PITPNM3: variants seen among roughly 807,000 people sequenced by gnomAD.
PITPNM3 encodes membrane-associated phosphatidylinositol transfer protein 3.
Under a neutral mutation model 102.0 loss-of-function variants are expected in PITPNM3, and 26 were observed. That is an observed-to-expected ratio of 0.25 (90% CI 0.19 to 0.35). The LOEUF is 0.35. PITPNM3 is among the 10% of genes least tolerant of loss of function. The probability of loss-of-function intolerance (pLI) is 1.00; values close to 1 mark genes in which losing one functional copy is unlikely to be tolerated. For synonymous variants in PITPNM3, 578 were observed against 558.6 expected (o/e 1.03, Z -0.49); for missense variants, 1,083 against 1,346.1 (o/e 0.80, Z 3.06).
intron 8 of PITPNM3, 60 bp from the exon 9 acceptor site, chr17:6,477,273 C>T (rs1905364179): frequency 6.4e-7 from 1 of 1,555,488 alleles, no homozygotes; most frequent in Non-Finnish European, 8.8e-7. Context: ...GACTCTGGGG[C>T]CTTGTCTCCT....
At chr17:6,529,252 T>C (rs889214586) in intron 2 of PITPNM3, among the ~76,000 whole-genome samples, 1 of 152,180 alleles carries the variant, frequency 6.6e-6, no homozygotes, top group African/African-American at 2.4e-5. Context: ...CCTTTCTTCC[T>C]ATCCTGGAGC....
At chr17:6,467,133 A>G (rs1904827546) in intron 14 of PITPNM3, among the ~76,000 whole-genome samples, 1 of 152,074 alleles carries the variant, frequency 6.6e-6, no homozygotes, top group Non-Finnish European at 1.5e-5. Context: ...CAGGTAGTGA[A>G]TGGATAAGCA....
intron 8 of PITPNM3, 36 bp from the exon 9 acceptor site, chr17:6,477,249 CTG>C: frequency 6.2e-7 from 1 of 1,604,552 alleles, no homozygotes; most frequent in Non-Finnish European, 8.5e-7. Flanking sequence ...GAGAAAAAGA[CTG>C]TTGTCACGGG....
At chr17:6,522,313 C>G (rs944832956) in intron 3 of PITPNM3, among the ~76,000 whole-genome samples, 6 of 145,776 alleles carry the variant, frequency 4.1e-5, no homozygotes, top group East Asian at 2.0e-4. Context: ...CACACACACA[C>G]AGAGCAGAAT....
intron 3 of PITPNM3, 65 bp downstream of exon 3, chr17:6,525,291 C>T: frequency 7.1e-7 from 1 of 1,416,640 alleles, no homozygotes; most frequent in South Asian, 1.1e-5. Flanking sequence ...CAGTCACCAG[C>T]CCTACAGCCC....
At chr17:6,463,960 CA>C in intron 16 of PITPNM3, 79 bp from the exon 17 acceptor site, 1 of 1,585,420 alleles carries the variant, frequency 6.3e-7, no homozygotes. Context: ...CCTGTAGCTG[CA>C]GTCAGAGCTC....
At chr17:6,480,428 G>C (rs550771496) in intron 6 of PITPNM3, 1 of 152,432 alleles carries the variant, frequency 6.6e-6, no homozygotes, top group South Asian at 2.1e-4. Context: ...TCCCCGCACT[G>C]AGCCCTCCTC....
rs148983036 is a variant in PITPNM3 at position 6,471,319 on chromosome 17, T to G, written c.1466A>C (p.Glu489Ala). The change falls in exon 12 of 20, where the codon GAG becomes GCG. Residue 489 changes from glutamate to alanine, a missense_variant. Glu to Ala is a moderately radical substitution (Grantham distance 107, BLOSUM62 -1). Transcript: ENST00000262483. The part of the protein sequence containing the change: ...ALHTHSPLFL[E>A]GSSRDSPPLL... ...TGGCGGGCTGTCCCGGGAGCTGCCCTCCAGGAAGAGGGGGCTGTGGGTGTG... is the reference window on the plus strand; with the variant it reads ...TGGCGGGCTGTCCCGGGAGCTGCCCGCCAGGAAGAGGGGGCTGTGGGTGTG... The G allele has an allele frequency of 1.2e-4, 191 of 1,608,086 alleles. No individual in the cohort carries two copies. The African/African-American group carries it at 2.3e-3, about 19-fold the overall frequency.
rs1286605893 is a variant in PITPNM3 at position 6,457,746 on chromosome 17, G to C, written c.2491-24C>G. On this transcript the variant is annotated intron_variant, in intron 18 of 19. Coordinates refer to ENST00000262483, the MANE Select transcript of PITPNM3 (RefSeq NM_031220.4). The surrounding 1 kb of genome is among the most constrained non-coding windows in gnomAD (Gnocchi z 4.7). ...CACTGAAACACAGGGCAGGCATAGG[G>C]GGAGAGTGAGGCCAGCCCACCCCCT... 2 of 1,564,574 alleles carry C rather than the reference G, an allele frequency of 1.3e-6. No individual in the cohort carries two copies. Among genetic ancestry groups the C allele is most frequent in the African/African-American group, 1.4e-5 (1 of 74,026 alleles).
rs1905498326 is a variant in PITPNM3, at chr17:6,478,984, G to A, written c.588-248C>T. The A allele has an allele frequency of 1.8e-6, 1 of 557,738 alleles. No homozygotes were observed. The highest frequency in any genetic ancestry group is 2.9e-5 in the East Asian group (1 of 34,106). 34.5% of individuals were successfully genotyped at this position (557,738 alleles called of 1,614,324 possible). A position where few individuals can be genotyped will look rare whatever the true frequency, so the allele number is the denominator to read the frequency against. The stretch of plus-strand genomic sequence containing the variant: ...TGCTGGCCATGGGTGTGGGCCCTGG[G>A]GTCCCTGTGACTGCAGTCTCTATTG... On this transcript the variant is annotated intron_variant, in intron 6 of 19. Transcript: ENST00000262483. The surrounding 1 kb of genome is among the most constrained non-coding windows in gnomAD (Gnocchi z 4.4).
At chr17:6,483,794 G>A in intron 5 of PITPNM3, 42 bp from the exon 6 acceptor site, 1 of 1,576,060 alleles carries the variant, frequency 6.3e-7, no homozygotes, top group African/African-American at 1.3e-5. Flanking sequence ...AGAGGCGGCT[G>A]GGGTCGGGGG....
Position 6,470,407 on chromosome 17 carries a change from G to A in PITPNM3, c.1626C>T (p.Ile542=), listed in dbSNP as rs1386463400. ...DSMAPVGASR[I]TAKWWGSKRI... ...TCTTGCTTCCCCACCACTTGGCTGTGACTGTGGGTCGGAGAGGAAGGTGAG... is the reference window on the plus strand; with the variant it reads ...TCTTGCTTCCCCACCACTTGGCTGTAACTGTGGGTCGGAGAGGAAGGTGAG... Residue 542 remains isoleucine, a splice_region_variant and synonymous_variant, in exon 13 of 20, where the codon ATC becomes ATT. Coordinates refer to ENST00000262483, the MANE Select transcript of PITPNM3 (RefSeq NM_031220.4). This position sits in a 1 kb window ranked among gnomAD's most constrained non-coding sequence, Gnocchi z 4.8. The A allele has an allele frequency of 6.2e-7, 1 of 1,614,136 alleles. No individual in the cohort carries two copies.
In PITPNM3 at chr17:6,525,376, C is replaced by T. The variant is rs761688586; in HGVS notation, c.206G>A (p.Gly69Glu). 1.2e-6 allele frequency: 2 copies of T among 1,614,172 alleles called. No individual in the cohort carries two copies. Among genetic ancestry groups the T allele is most frequent in the South Asian group, 2.2e-5 (2 of 91,072 alleles). ...NDLVEQIETM[G>E]KLDEHQGEGT... ...CTCACCTTGATGCTCGTCCAGTTTC[C>T]CCATGGTCTCGATCTGCTCCACGAG... Residue 69 changes from glycine (G) to glutamate (E), a missense_variant, in exon 3 of 20, where the codon GGG (glycine) becomes GAG (glutamate). Physicochemically the swap from Gly to Glu is moderately conservative, Grantham distance 98 (BLOSUM62 -2). Transcript: ENST00000262483.
intron 1 of PITPNM3, among the ~76,000 whole-genome samples, chr17:6,547,211 GA>G (rs147132986): frequency 0.053 from 8,065 of 152,132 alleles, 700 homozygotes; most frequent in African/African-American, 0.18. Flanking sequence ...GGGGTAAGGG[GA>G]GTCTCCAAGC....
At position 6,468,403 on chromosome 17, in the gene PITPNM3, G is replaced by A. The variant is rs1164054890; in HGVS notation, c.1774-62C>T. 9.8e-6 allele frequency: 15 copies of A among 1,533,320 alleles called. No individual in the cohort carries two copies. The highest frequency in any genetic ancestry group is 1.3e-5 in the Non-Finnish European group (14 of 1,108,006). 95.0% of individuals were successfully genotyped at this position (1,533,320 alleles called of 1,614,324 possible). ...CTGGCTTCTCTGCTTCCCTCCCAGG[G>A]TGTCAGTGCCCACCAGCTTGTGGCC... is the stretch of plus-strand genomic sequence containing the variant. On this transcript the variant is annotated intron_variant, in intron 13 of 19. Coordinates refer to ENST00000262483, the MANE Select transcript of PITPNM3 (RefSeq NM_031220.4). This position sits in a 1 kb window ranked among gnomAD's most constrained non-coding sequence, Gnocchi z 5.2.
chr17:6,539,925 A>C (rs908752856), intron 1 of PITPNM3, among the ~76,000 whole-genome samples: 1 of 152,210 alleles, frequency 6.6e-6, no homozygotes, highest in Admixed American at 6.5e-5. Flanking sequence ...GTAGCAACAA[A>C]GTCAGCTGAG....
Position 6,478,739 on chromosome 17 carries a change from G to A in PITPNM3, c.588-3C>T, listed in dbSNP as rs372348605. 9 of 1,562,236 alleles carry A rather than the reference G, an allele frequency of 5.8e-6. No homozygotes were observed. In the East Asian group the frequency reaches 9.4e-5, roughly 16 times the overall value. ...CATCGTGGCTGTAGGGGTTCAGGCT[G>A]CAGACAGGGGGCCCAAGGTGAGCCC... On this transcript the variant is annotated splice_region_variant and splice_polypyrimidine_tract_variant and intron_variant, in intron 6 of 19. Coordinates refer to ENST00000262483, the MANE Select transcript of PITPNM3 (RefSeq NM_031220.4). The surrounding 1 kb of genome is among the most constrained non-coding windows in gnomAD (Gnocchi z 4.4).
intron 3 of PITPNM3, among the ~76,000 whole-genome samples, chr17:6,518,066 G>C (rs1270646734): frequency 6.6e-6 from 1 of 151,968 alleles, no homozygotes; most frequent in Non-Finnish European, 1.5e-5. Context: ...AACTCATAAG[G>C]AACATTCACA....
intron 2 of PITPNM3, among the ~76,000 whole-genome samples, chr17:6,530,004 G>T (rs1909056414): frequency 6.6e-6 from 1 of 152,156 alleles, no homozygotes; most frequent in Non-Finnish European, 1.5e-5. Flanking sequence ...TGGCTCCTTG[G>T]CCCAGGAATA....
Sources: allele counts gnomAD v4.1 joint callset (sites outside exome capture counted in the v4.1 genomes callset), GRCh38; gene constraint gnomAD v4.1.1; non-coding constraint Gnocchi (gnomAD v3.1); transcripts MANE v1.5; gene names NCBI Gene and HGNC (gene_info 2026-07-23, HGNC 2026-07-21).